DPP10: variants seen among roughly 807,000 people sequenced by gnomAD.
The protein encoded by DPP10 is dipeptidyl peptidase like 10, also known as inactive dipeptidyl peptidase 10.
Under a neutral mutation model 120.9 loss-of-function variants are expected in DPP10, and 33 were observed. The ratio of observed to expected loss-of-function variants is 0.27; its 90% CI spans 0.21 to 0.37. DPP10 has a LOEUF of 0.37. Ranked by LOEUF, DPP10 falls within the 10% of genes least tolerant of loss-of-function variation. The pLI is 1.00. For synonymous variants in DPP10, 337 were observed against 326.1 expected, an observed-to-expected ratio of 1.03 and a Z score of -0.36; for missense variants, 816 against 942.8, an observed-to-expected ratio of 0.87 and a Z score of 1.76.
chr2:114,660,623 C>T (rs1016641034), intron 1 of DPP10, among the ~76,000 whole-genome samples: 4 of 152,152 alleles, frequency 2.6e-5, no homozygotes, highest in Non-Finnish European at 5.9e-5. Context: ...TGAGGAAACT[C>T]TCCAGACGTC....
At chr2:115,594,120 A>T (rs2082849171) in intron 5 of DPP10, among the ~76,000 whole-genome samples, 2 of 152,154 alleles carry the variant, frequency 1.3e-5, no homozygotes, top group African/African-American at 4.8e-5. Context: ...AGGGGCTATT[A>T]TTGGCTCTAT....
At chr2:115,392,532 A>G (rs1420938476) in intron 3 of DPP10, among the ~76,000 whole-genome samples, 1 of 152,172 alleles carries the variant, frequency 6.6e-6, no homozygotes, top group African/African-American at 2.4e-5. Flanking sequence ...AATATCACAT[A>G]TATATAACTA....
chr2:115,268,390 A>G (rs992104259), intron 1 of DPP10, among the ~76,000 whole-genome samples: 1 of 152,238 alleles, frequency 6.6e-6, no homozygotes, highest in Admixed American at 6.5e-5. Context: ...CAAACCTTGA[A>G]CAATCTAGTG....
At chr2:114,725,733 A>G (rs1702001470) in intron 1 of DPP10, among the ~76,000 whole-genome samples, 1 of 152,238 alleles carries the variant, frequency 6.6e-6, no homozygotes, top group South Asian at 2.1e-4. Flanking sequence ...TTTACAGAAG[A>G]AGAAACCACT....
At chr2:114,909,618 A>C (rs1694215876) in intron 1 of DPP10, among the ~76,000 whole-genome samples, 1 of 152,072 alleles carries the variant, frequency 6.6e-6, no homozygotes, top group Non-Finnish European at 1.5e-5. Flanking sequence ...GTAGAAAAAA[A>C]CTAGTGCTCT....
rs578051642 is a variant in DPP10, at chr2:115,331,263, C to G, written c.176-12554C>G. Among the ~76,000 whole-genome samples, 3 of 152,248 alleles carry G rather than the reference C, an allele frequency of 2.0e-5. No individual in the cohort carries two copies. The South Asian group carries it at 6.2e-4, about 32-fold the overall frequency. On this transcript the variant is annotated intron_variant, in intron 2 of 25. Coordinates refer to ENST00000410059, the MANE Select transcript of DPP10 (RefSeq NM_020868.6). ...TATAAGAATGCTTGTGATTTTTGCA[C>G]ACTGATTTTATATCCTGAGATTTTG... is the stretch of plus-strand genomic sequence containing the variant.
At chr2:115,639,287 G>A (rs1265556769) in intron 5 of DPP10, among the ~76,000 whole-genome samples, 1 of 152,158 alleles carries the variant, frequency 6.6e-6, no homozygotes, top group Non-Finnish European at 1.5e-5. Flanking sequence ...TTCTAATGTA[G>A]AAATATCAGG....
chr2:115,638,364 G>A (rs1394058423), intron 5 of DPP10, among the ~76,000 whole-genome samples: 1 of 152,100 alleles, frequency 6.6e-6, no homozygotes, highest in African/African-American at 2.4e-5. Context: ...GCAGTAAGAA[G>A]GTTAACACAA....
At chr2:114,996,012 A>G (rs964400865) in intron 1 of DPP10, among the ~76,000 whole-genome samples, 1 of 152,192 alleles carries the variant, frequency 6.6e-6, no homozygotes, top group Non-Finnish European at 1.5e-5. Context: ...GATTCAGCAT[A>G]TTTGAGAAGA....
At chr2:114,825,611 G>C (rs1338228505) in intron 1 of DPP10, among the ~76,000 whole-genome samples, 1 of 152,156 alleles carries the variant, frequency 6.6e-6, no homozygotes, top group African/African-American at 2.4e-5. Flanking sequence ...TCAATTATAT[G>C]TGCATAAAAT....
intron 5 of DPP10, among the ~76,000 whole-genome samples, chr2:115,687,092 A>G (rs2091031909): frequency 6.6e-6 from 1 of 152,078 alleles, no homozygotes; most frequent in South Asian, 2.1e-4. Context: ...AGGAGAGAGA[A>G]AGAGATGCAG....
At chr2:114,937,596 C>T (rs1328771600) in intron 1 of DPP10, among the ~76,000 whole-genome samples, 1 of 152,154 alleles carries the variant, frequency 6.6e-6, no homozygotes, top group Non-Finnish European at 1.5e-5. Context: ...TCTTGTGGCA[C>T]TGGTTGACTA....
intron 2 of DPP10, among the ~76,000 whole-genome samples, chr2:115,313,014 G>C (rs1184913155): frequency 2.0e-5 from 3 of 152,080 alleles, no homozygotes; most frequent in African/African-American, 7.2e-5. Context: ...ACGAGGTCTG[G>C]AGTTCGAGAC....
chr2:114,538,013 T>C (rs1686653452), intron 1 of DPP10, among the ~76,000 whole-genome samples: 1 of 152,234 alleles, frequency 6.6e-6, no homozygotes, highest in South Asian at 2.1e-4. Context: ...TTAACACTAG[T>C]TCATTGATAC....
At chr2:115,452,706 TGTAA>T (rs1251301226) in intron 3 of DPP10, among the ~76,000 whole-genome samples, 1 of 151,928 alleles carries the variant, frequency 6.6e-6, no homozygotes, top group Non-Finnish European at 1.5e-5. Flanking sequence ...GAGTGGCCCC[TGTAA>T]GTATCATTTG....
At chr2:114,645,132 C>A (rs1231800279) in intron 1 of DPP10, among the ~76,000 whole-genome samples, 1 of 152,178 alleles carries the variant, frequency 6.6e-6, no homozygotes, top group Non-Finnish European at 1.5e-5. Context: ...CTTTGTCTGA[C>A]AGATGTACTA....
chr2:115,556,869 A>G (rs1320299055), intron 5 of DPP10, among the ~76,000 whole-genome samples: 2 of 152,204 alleles, frequency 1.3e-5, no homozygotes, highest in Non-Finnish European at 2.9e-5. Context: ...GTAAAGTTCT[A>G]GGATGCAAAG....
At chr2:114,632,975 C>G (rs1695044816) in intron 1 of DPP10, among the ~76,000 whole-genome samples, 1 of 151,986 alleles carries the variant, frequency 6.6e-6, no homozygotes, top group Non-Finnish European at 1.5e-5. Context: ...ATTCCAGGAT[C>G]TCCTTACCTT....
At chr2:115,569,830 T>C (rs929087796) in intron 5 of DPP10, among the ~76,000 whole-genome samples, 2 of 152,230 alleles carry the variant, frequency 1.3e-5, no homozygotes, top group African/African-American at 2.4e-5. Context: ...TATCCTTTAT[T>C]ATTGTTAAGA....
Sources: allele counts gnomAD v4.1 joint callset (sites outside exome capture counted in the v4.1 genomes callset), GRCh38; gene constraint gnomAD v4.1.1; transcripts MANE v1.5; gene names NCBI Gene and HGNC (gene_info 2026-07-23, HGNC 2026-07-21).